Variants in COG4 observed in about 807,000 individuals in gnomAD.
COG4 encodes the protein conserved oligomeric Golgi complex subunit 4.
COG4 carries 65 observed loss-of-function variants against 95.1 expected under a neutral mutation model. That is an observed-to-expected ratio of 0.68 (90% CI 0.56 to 0.84). The LOEUF (loss-of-function observed/expected upper bound fraction) is 0.84. COG4 is among the 40% of genes least tolerant of loss of function. COG4 has a pLI of 0.00. For missense variants in COG4, 1,045 were observed against 989.1 expected, an observed-to-expected ratio of 1.06 and a Z score of -0.76; for synonymous variants, 421 against 374.8, an observed-to-expected ratio of 1.12 and a Z score of -1.42.
rs759873638 is a variant in COG4, at chr16:70,482,119, G to C, written c.1977C>G (p.Asn659Lys). 6.2e-7 allele frequency: 1 copy of C among 1,613,996 alleles called. No individual in the cohort carries two copies. Among genetic ancestry groups the C allele is most frequent in the Non-Finnish European group, 8.5e-7 (1 of 1,179,912 alleles). Residue 659 changes from asparagine to lysine, a missense_variant, in exon 16 of 19, where the codon AAC (asparagine) becomes AAG (lysine). Coordinates refer to ENST00000323786, the MANE Select transcript of COG4 (RefSeq NM_015386.3). ...TGAACTCTGCCATTTGCTGCTCCAG[G>C]TTAAGGATGAACTGTTGTACCCAAG... is the stretch of plus-strand genomic sequence containing the variant. Reference protein sequence around the residue: ...NDPWVQQFILNLEQQMAEFKA... With the variant: ...NDPWVQQFILKLEQQMAEFKA...
chr16:70,496,540 G>C, intron 11 of COG4, 109 bp from the exon 12 acceptor site: 1 of 1,111,010 alleles, frequency 9.0e-7, no homozygotes, highest in Non-Finnish European at 1.3e-6. Context: ...CTCTTTTAGG[G>C]GGAATAACCA....
chr16:70,495,191 G>T (rs916241948), intron 12 of COG4, among the ~76,000 whole-genome samples: 4 of 147,306 alleles, frequency 2.7e-5, no homozygotes, highest in African/African-American at 1.0e-4. Context: ...AGAAGTTCGA[G>T]ACCAGCCTGG....
At chr16:70,491,404 C>A (rs2049240348) in intron 12 of COG4, among the ~76,000 whole-genome samples, 2 of 151,064 alleles carry the variant, frequency 1.3e-5, no homozygotes, top group Non-Finnish European at 2.9e-5. Context: ...ATCTGTAGAC[C>A]CAGCTACCAG....
At chr16:70,495,608 G>A (rs1310257047) in intron 12 of COG4, among the ~76,000 whole-genome samples, 3 of 152,076 alleles carry the variant, frequency 2.0e-5, no homozygotes, top group Non-Finnish European at 4.4e-5. Flanking sequence ...ACTCCCATGC[G>A]TGCTAAGACA....
At position 70,509,905 on chromosome 16, in the gene COG4, A is replaced by G; in HGVS notation, c.844+11T>C. Reference sequence around the variant, plus strand: ...GTCTCCAGTCTCTCTAGAGCGGAGAAAGAGGCTCACCTTCAAACAGAAGAG... The same window carrying G: ...GTCTCCAGTCTCTCTAGAGCGGAGAGAGAGGCTCACCTTCAAACAGAAGAG... On this transcript the variant is annotated intron_variant, in intron 6 of 18. Transcript: ENST00000323786. 1 of 1,606,530 alleles carries G rather than the reference A, an allele frequency of 6.2e-7. No homozygotes were observed. The highest frequency in any genetic ancestry group is 1.7e-5 in the Admixed American group (1 of 60,004).
chr16:70,487,468 G>C (rs2049162396), intron 13 of COG4, among the ~76,000 whole-genome samples: 1 of 152,002 alleles, frequency 6.6e-6, no homozygotes, highest in Admixed American at 6.6e-5. Flanking sequence ...GTGGTGGCAG[G>C]TGCTTATAAT....
At chr16:70,521,261 G>T (rs563516943) in intron 1 of COG4, among the ~76,000 whole-genome samples, 68 of 151,434 alleles carry the variant, frequency 4.5e-4, no homozygotes, top group Non-Finnish European at 8.8e-4. Context: ...CTTTCACCCA[G>T]GCTGGAGTGA....
intron 1 of COG4, among the ~76,000 whole-genome samples, chr16:70,520,867 C>A (rs74026074): frequency 6.6e-6 from 1 of 152,300 alleles, no homozygotes; most frequent in African/African-American, 2.4e-5. Flanking sequence ...ATACCAATCT[C>A]ACTGGGCTGT....
chr16:70,481,851 CG>C lies in COG4; in HGVS notation c.2018del (p.Pro673ArgfsTer7). 3 of 1,613,660 alleles carry C rather than the reference CG, an allele frequency of 1.9e-6. No individual in the cohort carries two copies. The highest frequency in any genetic ancestry group is 1.7e-6 in the Non-Finnish European group (2 of 1,179,856). ...GGCCGGTTAGGCTGTCGTAGATGAC[CG>C]GGGACAGGCTGGCCTGCACACAGAG... is the stretch of plus-strand genomic sequence containing the variant. ...QMAEFKASLS[P>X]VIYDSLTGLM... On this transcript the variant is annotated frameshift_variant, in exon 17 of 19. Transcript: ENST00000323786. LOFTEE classifies it high-confidence loss of function.
chr16:70,515,944 C>T (rs2049813512), intron 3 of COG4: 2 of 454,254 alleles, frequency 4.4e-6, no homozygotes, highest in Non-Finnish European at 8.8e-6. Context: ...GTTAGGATTG[C>T]AGGCATGAGC....
rs764565412 is a variant in COG4 at position 70,483,914 on chromosome 16, T to G, written c.1766A>C (p.Lys589Thr). Residue 589 changes from lysine to threonine, a missense_variant, in exon 14 of 19, where the codon AAG (lysine) becomes ACG (threonine). By Grantham distance (78) the Lys-to-Thr change is moderately conservative. Transcript: ENST00000323786. ...CAAGTCAGAAAGGCAGCTGTCAAAC[T>G]TGGCCTGGGCCTGCTCCCCTCCAAT... ...QGIGGEQAQAKFDSCLSDLAA... is the reference protein window; with the variant it reads ...QGIGGEQAQATFDSCLSDLAA... 1.9e-6 allele frequency: 3 copies of G among 1,613,224 alleles called. No individual in the cohort carries two copies. The South Asian group carries it at 3.3e-5, about 18-fold the overall frequency.
chr16:70,514,185 G>A (rs1015424504), intron 4 of COG4, 150 bp downstream of exon 4: 10 of 809,614 alleles, frequency 1.2e-5, no homozygotes, highest in Non-Finnish European at 1.8e-5. Context: ...ACCCTATCCT[G>A]ACAAGAGCAA....
At position 70,481,266 on chromosome 16, in the gene COG4, G is replaced by C. The variant is rs987973411; in HGVS notation, c.2235+93C>G. On this transcript the variant is annotated intron_variant, in intron 18 of 18. Coordinates refer to ENST00000323786, the MANE Select transcript of COG4 (RefSeq NM_015386.3). ...GGGAAGGTGTCCTATAGAGCTGGCT[G>C]CTGGCAGACATGGTTTAGAGGGAAG... 54 of 1,607,190 alleles carry C rather than the reference G, an allele frequency of 3.4e-5. 3 individuals are homozygous for C. In the East Asian group the frequency reaches 1.2e-3, roughly 35 times the overall value.
At chr16:70,511,498 T>C (rs1185668609) in intron 5 of COG4, among the ~76,000 whole-genome samples, 1 of 151,616 alleles carries the variant, frequency 6.6e-6, no homozygotes, top group Middle Eastern at 3.2e-3. Context: ...GAGGACTGCT[T>C]GAGGCCAGGA....
intron 5 of COG4, among the ~76,000 whole-genome samples, chr16:70,511,266 C>A (rs1199830927): frequency 6.6e-6 from 1 of 150,820 alleles, no homozygotes; most frequent in Non-Finnish European, 1.5e-5. Context: ...TTGCTAACTC[C>A]CTCATTTTAA....
rs749606711 is a variant in COG4, at chr16:70,523,499, T to G, written c.45A>C (p.Ser15=). ...MADLDSPPKL[S]GVQQPSEGVG... ...CCCCCTCAGACGGCTGCTGCACCCC[T>G]GACAGCTTCGGAGGCGAATCAAGGT... is the stretch of plus-strand genomic sequence containing the variant. Residue 15 remains serine (S), a synonymous_variant, in exon 1 of 19, where the codon TCA becomes TCC. Coordinates refer to ENST00000323786, the MANE Select transcript of COG4 (RefSeq NM_015386.3). 1 of 1,614,072 alleles carries G rather than the reference T, an allele frequency of 6.2e-7. No homozygotes were observed. The highest frequency in any genetic ancestry group is 1.1e-5 in the South Asian group (1 of 91,080).
In COG4 at chr16:70,500,967, C is replaced by A. The variant is rs1458925567; in HGVS notation, c.1186G>T (p.Val396Leu). 6.2e-7 allele frequency: 1 copy of A among 1,614,056 alleles called. No homozygotes were observed. Among genetic ancestry groups the A allele is most frequent in the African/African-American group, 1.3e-5 (1 of 74,928 alleles). Residue 396 changes from valine to leucine, a missense_variant, in exon 9 of 19, where the codon GTA becomes TTA. Transcript: ENST00000323786. ...EVGDSMASEE[V>L]KQEHQKCLDK... ...TGGGAAACGTTTTTACCTTGCTTTA[C>A]TTCCTCTGAGGCCATGGAGTCTCCC...
At position 70,509,992 on chromosome 16, in the gene COG4, G is replaced by T. The variant is rs202156699; in HGVS notation, c.768C>A (p.Leu256=). 4 of 1,614,024 alleles carry T rather than the reference G, an allele frequency of 2.5e-6. No homozygotes were observed. Among genetic ancestry groups the T allele is most frequent in the Admixed American group, 1.7e-5 (1 of 60,006 alleles). The stretch of plus-strand genomic sequence containing the variant: ...CACTCATGTCTGTCCCCAGCACCAT[G>T]AGCAGATTCTCCTCAGCTTTACTGG... ...QVASKAEENL[L]MVLGTDMSDR... Residue 256 remains leucine (L), a synonymous_variant, in exon 6 of 19, where the codon CTC becomes CTA. Transcript: ENST00000323786.
At chr16:70,506,047 G>A (rs529990805) in intron 8 of COG4, among the ~76,000 whole-genome samples, 4 of 151,930 alleles carry the variant, frequency 2.6e-5, no homozygotes, top group East Asian at 1.9e-4. Context: ...TTGGGAGGCC[G>A]AGGTGGGTGG....
Sources: allele counts gnomAD v4.1 joint callset (sites outside exome capture counted in the v4.1 genomes callset), GRCh38; gene constraint gnomAD v4.1.1; transcripts MANE v1.5; gene names NCBI Gene and HGNC (gene_info 2026-07-23, HGNC 2026-07-21).